The following CHADL variants were observed in gnomAD, a reference collection of about 807,000 sequenced individuals.
CHADL encodes chondroadherin like.
CHADL carries 48 observed loss-of-function variants against 52.1 expected under a neutral mutation model. The ratio of observed to expected loss-of-function variants is 0.92; its 90% CI spans 0.73 to 1.17. The LOEUF (loss-of-function observed/expected upper bound fraction) is 1.17. Among genes scored for constraint, CHADL ranks in the 50% most tolerant of loss-of-function variants. The probability of loss-of-function intolerance (pLI) is 0.00; values close to 1 mark genes in which losing one functional copy is unlikely to be tolerated. For synonymous variants in CHADL, 498 were observed against 511.2 expected (o/e 0.97, Z 0.35); for missense variants, 977 against 1,035.1 (o/e 0.94, Z 0.77).
chr22:41,234,398 ATTG>A (rs59033274), intron 5 of CHADL, among the ~76,000 whole-genome samples: 2,971 of 148,556 alleles, frequency 0.02, 89 homozygotes, highest in African/African-American at 0.066. Context: ...TATTATTATT[ATTG>A]AGACGGAGTC....
chr22:41,234,708 C>G (rs2032704492), intron 5 of CHADL, among the ~76,000 whole-genome samples: 1 of 152,204 alleles, frequency 6.6e-6, no homozygotes, highest in Non-Finnish European at 1.5e-5. Context: ...CGCCCACCAC[C>G]ACAGCCGGAT....
chr22:41,236,642 A>C lies in CHADL; in HGVS notation c.1905T>G (p.Pro635=). The change falls in exon 4 of 6, where the codon CCT becomes CCG. Residue 635 remains proline, a synonymous_variant. Coordinates refer to ENST00000216241, the MANE Select transcript of CHADL (RefSeq NM_138481.2). ...LNSSGLEQIC[P]GAFSGLGPGL... is the part of the protein sequence containing the mutation. ...CGGGCCCCAGGCCTGAAAAGGCCCC[A>C]GGACAAATCTGCAAGGAGTTGCCAG... The C allele has an allele frequency of 6.5e-7, 1 of 1,548,726 alleles. No individual in the cohort carries two copies. Among genetic ancestry groups the C allele is most frequent in the Non-Finnish European group, 8.7e-7 (1 of 1,146,788 alleles).
chr22:41,237,339 C>T lies in CHADL; in HGVS notation c.1733G>A (p.Arg578Lys). 1 of 1,550,682 alleles carries T rather than the reference C, an allele frequency of 6.4e-7. No homozygotes were observed. The highest frequency in any genetic ancestry group is 8.7e-7 in the Non-Finnish European group (1 of 1,146,948). ...ARELEKLHLD[R>K]NQLREVPTGA... ...AGTGGGCACCTCTCGCAGCTGATTC[C>T]TGTCCAGGTGCAGCTTCTCCAGCTC... The change falls in exon 3 of 6, where the codon AGG becomes AAG. Residue 578 changes from arginine to lysine, a missense_variant. Coordinates refer to ENST00000216241, the MANE Select transcript of CHADL (RefSeq NM_138481.2).
intron 5 of CHADL, among the ~76,000 whole-genome samples, chr22:41,232,366 T>C (rs139491): frequency 1 from 151,362 of 151,818 alleles, 75,453 homozygotes; most frequent in Middle Eastern, 1. Context: ...CTGTAAAGGA[T>C]GGCAGTGGGG....
intron 4 of CHADL, among the ~76,000 whole-genome samples, chr22:41,235,795 C>T (rs557346556): frequency 2.0e-5 from 3 of 152,268 alleles, no homozygotes; most frequent in African/African-American, 4.8e-5. Context: ...GGAAAGGTTA[C>T]GCGGCTTGCA....
intron 1 of CHADL, among the ~76,000 whole-genome samples, chr22:41,240,494 G>C (rs2145640645): frequency 6.6e-6 from 1 of 152,344 alleles, no homozygotes; most frequent in South Asian, 2.1e-4. Context: ...ACTATCGTCT[G>C]TTTTGGAGTC....
chr22:41,237,436 C>A lies in CHADL; in HGVS notation c.1636G>T (p.Ala546Ser). The change falls in exon 3 of 6, where the codon GCC becomes TCC. Residue 546 changes from alanine (A) to serine (S), a missense_variant. Coordinates refer to ENST00000216241, the MANE Select transcript of CHADL (RefSeq NM_138481.2). The part of the protein sequence containing the change: ...LAPGDLGRTR[A>S]LRWVYLSGNR... Reference sequence around the variant, plus strand: ...CCACTCAGGTAGACCCAGCGCAAGGCCCGTGTTCTCCCCAGGTCCCCAGGT... The same window carrying A: ...CCACTCAGGTAGACCCAGCGCAAGGACCGTGTTCTCCCCAGGTCCCCAGGT... The A allele has an allele frequency of 6.4e-7, 1 of 1,550,508 alleles. No homozygotes were observed. Among genetic ancestry groups the A allele is most frequent in the Non-Finnish European group, 8.7e-7 (1 of 1,146,962 alleles).
At chr22:41,234,998 C>T in intron 5 of CHADL, 147 bp downstream of exon 5, 1 of 804,948 alleles carries the variant, frequency 1.2e-6, no homozygotes, top group Non-Finnish European at 1.9e-6. Flanking sequence ...CTCGGATGGA[C>T]ATTATTGAAC....
Position 41,237,163 on chromosome 22 carries a change from G to A in CHADL, c.1896+13C>T. On this transcript the variant is annotated intron_variant, in intron 3 of 5. Transcript: ENST00000216241. ...GCCTCCTGCACCAACCCCGCCAGAT[G>A]CCCAGTGCCCACCTGCTCCAGGCCA... 6.5e-7 allele frequency: 1 copy of A among 1,527,404 alleles called. No individual in the cohort carries two copies. The highest frequency in any genetic ancestry group is 8.8e-7 in the Non-Finnish European group (1 of 1,132,296). The allele number at this position is 1,527,404 out of a possible 1,614,324, so 94.6% of individuals were successfully genotyped here.
chr22:41,237,892 C>A lies in CHADL; in HGVS notation c.1180G>T (p.Ala394Ser). 2 of 1,360,834 alleles carry A rather than the reference C, an allele frequency of 1.5e-6. No homozygotes were observed. The highest frequency in any genetic ancestry group is 3.0e-5 in the East Asian group (1 of 33,104). 84.3% of individuals were successfully genotyped at this position (1,360,834 alleles called of 1,614,324 possible). The part of the protein sequence containing the change: ...PRGPGEERAV[A>S]PCPRACVCVP... ...CACACGCAGGCGCGAGGGCAAGGCG[C>A]GACTGCCCGCTCCTCCCCGGGGCCG... Residue 394 changes from alanine (A) to serine (S), a missense_variant, in exon 3 of 6, where the codon GCG becomes TCG. Ala to Ser is a moderately conservative substitution (Grantham distance 99). Transcript: ENST00000216241.
At chr22:41,236,864 C>A (rs2032750827) in intron 3 of CHADL, among the ~76,000 whole-genome samples, 1 of 152,198 alleles carries the variant, frequency 6.6e-6, no homozygotes. Context: ...TCATGGTCCA[C>A]CCCACCACCC....
At chr22:41,235,045 A>G in intron 5 of CHADL, 100 bp downstream of exon 5, 1 of 1,246,134 alleles carries the variant, frequency 8.0e-7, no homozygotes. Context: ...CTGGAACCAC[A>G]TGAATCAGGA....
chr22:41,237,247 G>T lies in CHADL; in HGVS notation c.1825C>A (p.Arg609Ser), dbSNP rs1003637478. The part of the protein sequence containing the change: ...QLSGNPLRAL[R>S]DGAFQPVGRS... ...CCCACAGGCTGGAAGGCTCCGTCAC[G>T]CAAGGCCCTGAGTGGGTTGCCCGAG... is the stretch of plus-strand genomic sequence containing the variant. Residue 609 changes from arginine to serine, a missense_variant, in exon 3 of 6, where the codon CGT (arginine) becomes AGT (serine). Arg to Ser is a moderately radical substitution (Grantham distance 110). Coordinates refer to ENST00000216241, the MANE Select transcript of CHADL (RefSeq NM_138481.2). 3.9e-6 allele frequency: 6 copies of T among 1,550,512 alleles called. No homozygotes were observed. Among genetic ancestry groups the T allele is most frequent in the Non-Finnish European group, 5.2e-6 (6 of 1,146,948 alleles).
intron 5 of CHADL, chr22:41,231,285 G>A (rs1311577991): frequency 6.6e-6 from 1 of 152,186 alleles, no homozygotes; most frequent in African/African-American, 2.4e-5. Flanking sequence ...CCGTTTGTTA[G>A]ATCTCTATTC....
chr22:41,240,846 C>T (rs1404897682), intron 1 of CHADL, 28 bp downstream of exon 1: 1 of 1,551,044 alleles, frequency 6.4e-7, no homozygotes, highest in Admixed American at 2.0e-5. Context: ...CTGAATCCCC[C>T]CTTGCACCAT....
In CHADL at chr22:41,238,608, C is replaced by G; in HGVS notation, c.464G>C (p.Gly155Ala). Residue 155 changes from glycine to alanine, a missense_variant, in exon 3 of 6, where the codon GGG becomes GCG. Coordinates refer to ENST00000216241, the MANE Select transcript of CHADL (RefSeq NM_138481.2). This position sits in a 1 kb window ranked among gnomAD's most constrained non-coding sequence, Gnocchi z 4.9. ...TAGCGTGGCCAGCGCACCCAGTGCC[C>G]CGAACGTCCCCGGCCGCAGCTCCTC... is the stretch of plus-strand genomic sequence containing the variant. ...ALEELRPGTF[G>A]ALGALATLNL... The G allele has an allele frequency of 6.5e-7, 1 of 1,544,772 alleles. No individual in the cohort carries two copies. Among genetic ancestry groups the G allele is most frequent in the Non-Finnish European group, 8.7e-7 (1 of 1,146,506 alleles).
At position 41,237,851 on chromosome 22, in the gene CHADL, C is replaced by A; in HGVS notation, c.1221G>T (p.Arg407=). 1 of 1,417,444 alleles carries A rather than the reference C, an allele frequency of 7.1e-7. No individual in the cohort carries two copies. The highest frequency in any genetic ancestry group is 9.2e-7 in the Non-Finnish European group (1 of 1,086,830). 87.8% of individuals were successfully genotyped at this position (1,417,444 alleles called of 1,614,324 possible). ...GGCCGCAGCCCTCGCAGCTGCTGTG[C>A]CGGGACTCGGGGACGCACACGCAGG... The part of the protein sequence containing the change: ...PRACVCVPES[R]HSSCEGCGLQ... Residue 407 remains arginine (R), a synonymous_variant, in exon 3 of 6, where the codon CGG becomes CGT. Transcript: ENST00000216241.
chr22:41,230,076 T>TCCCCCC, intron 5 of CHADL: 1 of 912,386 alleles, frequency 1.1e-6, no homozygotes, highest in Non-Finnish European at 1.7e-6. Context: ...TCCCAGCTCC[T>TCCCCCC]CCGCCCCCAC....
chr22:41,231,713 G>C (rs752630743), intron 5 of CHADL, among the ~76,000 whole-genome samples: 2 of 152,212 alleles, frequency 1.3e-5, no homozygotes, highest in Non-Finnish European at 2.9e-5. Context: ...CTTGGAGTCT[G>C]AGCAGTGGGG....
Sources: gnomAD v4.1 joint callset for allele counts (sites outside exome capture counted in the v4.1 genomes callset) on GRCh38, gnomAD v4.1.1 for gene constraint, Gnocchi (gnomAD v3.1) non-coding constraint, MANE v1.5 for transcripts, NCBI Gene and HGNC (gene_info 2026-07-23, HGNC 2026-07-21) for gene names.